The following TANGO2 variants were observed in gnomAD, a reference collection of about 807,000 sequenced individuals.
TANGO2 encodes transport and Golgi organization protein 2 homolog.
In TANGO2, 26 loss-of-function variants were observed where a neutral mutation model predicts 39.1. That is an observed-to-expected ratio of 0.67 (90% CI 0.49 to 0.92). TANGO2 has a LOEUF of 0.92. Ranked by LOEUF, TANGO2 falls within the 40% of genes least tolerant of loss-of-function variation. The pLI is 0.00. For synonymous variants in TANGO2, 131 were observed against 144.5 expected (o/e 0.91, Z 0.67); for missense variants, 326 against 360.1 (o/e 0.91, Z 0.77).
chr22:20,063,726 G>A (rs750371606), intron 8 of TANGO2: 19 of 374,142 alleles, frequency 5.1e-5, no homozygotes, highest in South Asian at 1.3e-4. Context: ...CAAACGCCCC[G>A]GCACCATGGC....
Position 20,047,455 on chromosome 22 carries a change from G to A in TANGO2, c.145+4012G>A, listed in dbSNP as rs1053779421. ...TCACCATGTTGGTCAGGCTGGTCTC[G>A]AACTCTTGACCTCAGGCAATCCACC... On this transcript the variant is annotated intron_variant, in intron 3 of 8. Coordinates refer to ENST00000327374, the MANE Select transcript of TANGO2 (RefSeq NM_152906.7). Among the ~76,000 whole-genome samples, 10 of 152,088 alleles carry A rather than the reference G, an allele frequency of 6.6e-5. No individual in the cohort carries two copies. In the South Asian group the frequency reaches 1.9e-3, roughly 28 times the overall value.
At chr22:20,026,577 C>A (rs891050709) in intron 1 of TANGO2, among the ~76,000 whole-genome samples, 2 of 152,222 alleles carry the variant, frequency 1.3e-5, no homozygotes, top group Non-Finnish European at 2.9e-5. Context: ...ACAGGCAGAG[C>A]TGAAAGGCAG....
At chr22:20,064,331 G>A (rs1395970400) in intron 8 of TANGO2, among the ~76,000 whole-genome samples, 1 of 152,208 alleles carries the variant, frequency 6.6e-6, no homozygotes, top group African/African-American at 2.4e-5. Context: ...CTCAGCAAGT[G>A]TGGGCCTGTG....
At position 20,036,832 on chromosome 22, in the gene TANGO2, CCT is replaced by C. The variant is rs1601975780; in HGVS notation, c.35_36del (p.Pro12ArgfsTer16). 2 of 1,614,124 alleles carry C rather than the reference CCT, an allele frequency of 1.2e-6. No homozygotes were observed. The highest frequency in any genetic ancestry group is 1.7e-6 in the Non-Finnish European group (2 of 1,180,048). On this transcript the variant is annotated frameshift_variant, in exon 2 of 9. Transcript: ENST00000327374. LOFTEE classifies it high-confidence loss of function. ...CATCTTCTTTAAGTTTGATCCTCGC[CCT>C]GTTTCCAAAAACGCGTACAGGTAAC... Reference protein sequence around the residue: ...CIIFFKFDPRPVSKNAYRLIL... With the variant: ...CIIFFKFDPRXVSKNAYRLIL...
intron 3 of TANGO2, among the ~76,000 whole-genome samples, chr22:20,051,281 C>G (rs1437091085): frequency 6.6e-6 from 1 of 151,754 alleles, no homozygotes; most frequent in African/African-American, 2.4e-5. Context: ...CCTGTAATCC[C>G]AGCACTTTGG....
intron 1 of TANGO2, among the ~76,000 whole-genome samples, chr22:20,027,753 G>A (rs762602498): frequency 6.6e-6 from 1 of 151,432 alleles, no homozygotes; most frequent in East Asian, 1.9e-4. Flanking sequence ...GACTACAGAT[G>A]CATGTCACCA....
At chr22:20,055,420 C>G (rs1424036697) in intron 5 of TANGO2, 1 of 175,616 alleles carries the variant, frequency 5.7e-6, no homozygotes, top group African/African-American at 2.4e-5. Context: ...TCACTATGCC[C>G]AGCTCTACTG....
chr22:20,038,751 G>C (rs992830464), intron 2 of TANGO2, among the ~76,000 whole-genome samples: 9 of 152,130 alleles, frequency 5.9e-5, no homozygotes, highest in Middle Eastern at 3.4e-3. Flanking sequence ...TCTGCCTGTG[G>C]GGTGTCCAGC....
In TANGO2 at chr22:20,043,467, G is replaced by A. The variant is rs375888966; in HGVS notation, c.145+24G>A. 1.2e-3 allele frequency: 1,851 copies of A among 1,545,008 alleles called. 5 individuals are homozygous for A. The highest frequency in any genetic ancestry group is 1.4e-3 in the Non-Finnish European group (1,610 of 1,119,520). On this transcript the variant is annotated intron_variant, in intron 3 of 8. Coordinates refer to ENST00000327374, the MANE Select transcript of TANGO2 (RefSeq NM_152906.7). ...TGGTGAGTCTTCCTGCGTGCTCAGCGGTGGCTGCGCCTTGTTGCTTCCCTA... is the reference window on the plus strand; with the variant it reads ...TGGTGAGTCTTCCTGCGTGCTCAGCAGTGGCTGCGCCTTGTTGCTTCCCTA...
At chr22:20,031,938 G>T (rs184852644) in intron 1 of TANGO2, among the ~76,000 whole-genome samples, 1 of 152,186 alleles carries the variant, frequency 6.6e-6, no homozygotes, top group East Asian at 1.9e-4. Context: ...GTGCCTGCTC[G>T]GGGTGGCCAG....
At chr22:20,036,660 A>T in intron 1 of TANGO2, 100 bp from the exon 2 acceptor site, 1 of 1,016,096 alleles carries the variant, frequency 9.8e-7, no homozygotes, top group Non-Finnish European at 1.5e-6. Flanking sequence ...TAGTACAGAC[A>T]CCACAGAGGT....
chr22:20,044,826 C>G (rs980189395), intron 3 of TANGO2, among the ~76,000 whole-genome samples: 2 of 152,186 alleles, frequency 1.3e-5, no homozygotes, highest in Non-Finnish European at 2.9e-5. Flanking sequence ...GAGGGTTACC[C>G]TCTTCTGGTT....
At position 20,043,359 on chromosome 22, in the gene TANGO2, A is replaced by T. The variant is rs755057860; in HGVS notation, c.61A>T (p.Ile21Phe). 1 of 1,612,220 alleles carries T rather than the reference A, an allele frequency of 6.2e-7. No individual in the cohort carries two copies. The highest frequency in any genetic ancestry group is 1.1e-5 in the South Asian group (1 of 90,950). Residue 21 changes from isoleucine (I) to phenylalanine (F), a missense_variant, in exon 3 of 9, where the codon ATC becomes TTC. Ile to Phe is a conservative substitution (Grantham distance 21). Transcript: ENST00000327374. ...RPVSKNAYRL[I>F]LAANRDEFYS... is the part of the protein sequence containing the mutation. ...AGTGATGCTTTCCTCTTGCAGGCTC[A>T]TCTTGGCAGCCAACAGGGATGAATT...
upstream of TANGO2, among the ~76,000 whole-genome samples, chr22:20,020,251 G>A (rs1383978368): frequency 6.6e-6 from 1 of 152,224 alleles, no homozygotes. Flanking sequence ...TATCCCTAAT[G>A]TCTTTGTCAT....
upstream of TANGO2, among the ~76,000 whole-genome samples, chr22:20,019,960 G>A (rs1165594179): frequency 6.6e-6 from 1 of 152,262 alleles, no homozygotes; most frequent in East Asian, 1.9e-4. Context: ...TAGCAAAAGT[G>A]TGGAGCACAA....
At position 20,061,548 on chromosome 22, in the gene TANGO2, A is replaced by G; in HGVS notation, c.470A>G (p.Asn157Ser). 6.2e-7 allele frequency: 1 copy of G among 1,606,578 alleles called. No homozygotes were observed. The highest frequency in any genetic ancestry group is 8.5e-7 in the Non-Finnish European group (1 of 1,177,210). Residue 157 changes from asparagine (N) to serine (S), a missense_variant, in exon 7 of 9, where the codon AAC becomes AGC. Physicochemically the swap from Asn to Ser is conservative, Grantham distance 46. Coordinates refer to ENST00000327374, the MANE Select transcript of TANGO2 (RefSeq NM_152906.7). The stretch of plus-strand genomic sequence containing the variant: ...CTCACAGGCACCTACGGGCTGAGCA[A>G]CGCGCTGCTGGAGACTCCCTGGAGG... ...VLTPGTYGLS[N>S]ALLETPWRKL... is the part of the protein sequence containing the mutation.
chr22:20,039,435 C>A (rs2043487412), intron 2 of TANGO2, among the ~76,000 whole-genome samples: 1 of 151,232 alleles, frequency 6.6e-6, no homozygotes, highest in African/African-American at 2.4e-5. Context: ...TCGAGACCAG[C>A]CTGGCCAACA....
chr22:20,047,073 A>G (rs1159577471), intron 3 of TANGO2, among the ~76,000 whole-genome samples: 1 of 152,118 alleles, frequency 6.6e-6, no homozygotes, highest in Non-Finnish European at 1.5e-5. Flanking sequence ...AGGAGGCGCC[A>G]CGCTCTTTTA....
intron 1 of TANGO2, among the ~76,000 whole-genome samples, chr22:20,035,017 G>A (rs554364741): frequency 2.6e-5 from 4 of 152,354 alleles, no homozygotes; most frequent in Non-Finnish European, 5.9e-5. Flanking sequence ...CCCCCTGTGG[G>A]CGCTTCCAGG....
Sources: allele counts gnomAD v4.1 joint callset (sites outside exome capture counted in the v4.1 genomes callset), GRCh38; gene constraint gnomAD v4.1.1; transcripts MANE v1.5; gene names NCBI Gene and HGNC (gene_info 2026-07-23, HGNC 2026-07-21).